Variants in ZNF41 observed in about 807,000 individuals in gnomAD.
ZNF41 encodes zinc finger protein 41.
In ZNF41, 6 loss-of-function variants were observed where a neutral mutation model predicts 9.3. The observed-to-expected ratio is 0.65, with a 90% CI of 0.35 to 1.28. The LOEUF (loss-of-function observed/expected upper bound fraction) is 1.28, where lower values mean the gene tolerates loss of function less well. ZNF41 is among the 50% of genes most tolerant of loss of function. The probability of loss-of-function intolerance (pLI) is 0.03; values close to 1 mark genes in which losing one functional copy is unlikely to be tolerated. For synonymous variants in ZNF41, 192 were observed against 207.1 expected (o/e 0.93, Z 0.63); for missense variants, 523 against 585.8 (o/e 0.89, Z 1.11).
At position 47,467,449 on chromosome X, in the gene ZNF41, G is replaced by A; in HGVS notation, c.33C>T (p.Ser11=). 1.7e-6 allele frequency: 2 copies of A among 1,189,039 alleles called. No individual in the cohort carries two copies. Among genetic ancestry groups the A allele is most frequent in the Middle Eastern group, 2.3e-4 (1 of 4,296 alleles). The change falls in exon 2 of 5, where the codon TCC becomes TCT. Residue 11 remains serine, a synonymous_variant. Transcript: ENST00000684689. MAANGDSPPW[S]PALAAEGRGS... ...CACGTCCCTCTGCAGCCAGGGCCGGGGACCATGGGGGAGAGTCCCCATTAG... is the reference window on the plus strand; with the variant it reads ...CACGTCCCTCTGCAGCCAGGGCCGGAGACCATGGGGGAGAGTCCCCATTAG...
chrX:47,462,785 C>T (rs1032155873), intron 2 of ZNF41, among the ~76,000 whole-genome samples: 52 of 108,978 alleles, frequency 4.8e-4, no homozygotes, highest in African/African-American at 1.7e-3. Context: ...TGAGACAGGG[C>T]GTCACTCTGC....
At chrX:47,468,175 A>C (rs1480356499) in intron 1 of ZNF41, among the ~76,000 whole-genome samples, 1 of 111,437 alleles carries the variant, frequency 9.0e-6, no homozygotes, top group East Asian at 2.8e-4. Context: ...AATTTGCCCC[A>C]GGATCACTCA....
At position 47,448,953 on chromosome X, in the gene ZNF41, A is replaced by C. The variant is rs1253831939; in HGVS notation, c.817T>G (p.Cys273Gly). The C allele has an allele frequency of 8.3e-7, 1 of 1,209,639 alleles. No homozygotes were observed. Among genetic ancestry groups the C allele is most frequent in the Non-Finnish European group, 1.1e-6 (1 of 895,170 alleles). Residue 273 changes from cysteine (C) to glycine (G), a missense_variant, in exon 5 of 5, where the codon TGT becomes GGT. Physicochemically the swap from Cys to Gly is radical, Grantham distance 159. Transcript: ENST00000684689. ...GTGAAGCCCATTACACATTCAGTACACACATAAAGCTTCTCCTCAGGATGA... is the reference window on the plus strand; with the variant it reads ...GTGAAGCCCATTACACATTCAGTACCCACATAAAGCTTCTCCTCAGGATGA... The part of the protein sequence containing the change: ...KIHPEEKLYV[C>G]TECVMGFTQK...
chrX:47,462,130 T>C (rs1343808145), intron 2 of ZNF41, among the ~76,000 whole-genome samples: 1 of 111,235 alleles, frequency 9.0e-6, no homozygotes, highest in Non-Finnish European at 1.9e-5. Flanking sequence ...GCCTCCTGAA[T>C]AGCTGAGACT....
chrX:47,474,845 T>C (rs1158225413), intron 1 of ZNF41, among the ~76,000 whole-genome samples: 2 of 101,358 alleles, frequency 2.0e-5, no homozygotes, highest in African/African-American at 7.4e-5. Flanking sequence ...CCTACTGTAC[T>C]TCAGCCTGAG....
At position 47,445,714 on chromosome X, in the gene ZNF41, C is replaced by T. The variant is rs1169641623; in HGVS notation, c.*1716G>A. ...AATTCCTAATAGCCCAAGCTGCAAA[C>T]AACCCAAATGTCTACAAACAGTAGA... On this transcript the variant is annotated 3_prime_UTR_variant, in exon 5 of 5. Coordinates refer to ENST00000684689, the MANE Select transcript of ZNF41 (RefSeq NM_001324144.2). Among the ~76,000 whole-genome samples the T allele has an allele frequency of 8.9e-6, 1 of 112,068 alleles. No homozygotes were observed. Among genetic ancestry groups the T allele is most frequent in the Non-Finnish European group, 1.9e-5 (1 of 53,221 alleles).
intron 1 of ZNF41, among the ~76,000 whole-genome samples, chrX:47,480,339 G>A (rs1173845154): frequency 9.0e-6 from 1 of 111,195 alleles, no homozygotes; most frequent in Non-Finnish European, 1.9e-5. Flanking sequence ...TTCATTTAAC[G>A]ACTGGTGCTG....
rs2056103654 is a variant in ZNF41 at position 47,446,065 on chromosome X, G to C, written c.*1365C>G. ...CTTGATCTGAGTATGTTCAGTTTTT[G>C]AGAATGCACTGAGCTGTATGTTTAT... On this transcript the variant is annotated 3_prime_UTR_variant, in exon 5 of 5. Coordinates refer to ENST00000684689, the MANE Select transcript of ZNF41 (RefSeq NM_001324144.2). 1 of 111,323 alleles carries C rather than the reference G, an allele frequency of 9.0e-6. No homozygotes were observed. The highest frequency in any genetic ancestry group is 1.9e-5 in the Non-Finnish European group (1 of 53,074). The allele number at this position is 111,323 out of a possible 1,213,427, so 9.2% of individuals were successfully genotyped here.
At chrX:47,464,271 A>C (rs1429525290) in intron 2 of ZNF41, among the ~76,000 whole-genome samples, 2 of 110,761 alleles carry the variant, frequency 1.8e-5, no homozygotes, top group Non-Finnish European at 3.8e-5. Flanking sequence ...TGTTTGCTTC[A>C]TTATTCTTCC....
At chrX:47,467,249 G>T in intron 2 of ZNF41, 161 bp downstream of exon 2, 1 of 1,106,109 alleles carries the variant, frequency 9.0e-7, no homozygotes, top group Non-Finnish European at 1.2e-6. Context: ...GCCAAGTGGT[G>T]CTCACTCTCA....
At chrX:47,467,254 C>T (rs2057021972) in intron 2 of ZNF41, 156 bp downstream of exon 2, 1 of 1,126,181 alleles carries the variant, frequency 8.9e-7, no homozygotes, top group Non-Finnish European at 1.2e-6. Flanking sequence ...GTGGTGCTCA[C>T]TCTCAGCAAG....
intron 1 of ZNF41, among the ~76,000 whole-genome samples, chrX:47,479,633 A>G (rs1293176154): frequency 9.0e-6 from 1 of 110,769 alleles, no homozygotes; most frequent in East Asian, 2.8e-4. Flanking sequence ...GATTTTCCCT[A>G]TGGAAATAGA....
At position 47,459,281 on chromosome X, in the gene ZNF41, C is replaced by T. The variant is rs189621817; in HGVS notation, c.73-2883G>A. 5.8e-3 allele frequency among the ~76,000 whole-genome samples: 635 copies of T among 109,644 alleles called. 2 individuals are homozygous for T. The highest frequency in any genetic ancestry group is 0.02 in the African/African-American group (601 of 30,166). On this transcript the variant is annotated intron_variant, in intron 2 of 4. Transcript: ENST00000684689. ...AGGAGGATCACTAGAACCTGGAAGGCGGAGGTTGCAGTGAGCCAAGACCGG... is the reference window on the plus strand; with the variant it reads ...AGGAGGATCACTAGAACCTGGAAGGTGGAGGTTGCAGTGAGCCAAGACCGG...
chrX:47,466,896 C>G (rs762752360), intron 2 of ZNF41, among the ~76,000 whole-genome samples: 1 of 111,629 alleles, frequency 9.0e-6, no homozygotes, highest in African/African-American at 3.2e-5. Flanking sequence ...CTGCCAGTCT[C>G]TAAGTTCCAA....
chrX:47,448,541 T>G lies in ZNF41; in HGVS notation c.1229A>C (p.His410Pro), dbSNP rs868329425. ...CTTCCCACATTCATTGCATTCATAG[T>G]GTTTCTCTCCGGTATGAGTTTTCTG... Reference protein sequence around the residue: ...IHQKTHTGEKHYECNECGKAF... With the variant: ...IHQKTHTGEKPYECNECGKAF... Residue 410 changes from histidine to proline, a missense_variant, in exon 5 of 5, where the codon CAC (histidine) becomes CCC (proline). Coordinates refer to ENST00000684689, the MANE Select transcript of ZNF41 (RefSeq NM_001324144.2). The G allele has an allele frequency of 1.7e-6, 2 of 1,209,760 alleles. No individual in the cohort carries two copies. Among genetic ancestry groups the G allele is most frequent in the Non-Finnish European group, 2.2e-6 (2 of 895,228 alleles).
At chrX:47,477,384 T>A (rs2147837767) in intron 1 of ZNF41, among the ~76,000 whole-genome samples, 1 of 111,877 alleles carries the variant, frequency 8.9e-6, no homozygotes, top group South Asian at 3.7e-4. Context: ...CCTCAGGTGA[T>A]CCACCCACCT....
At chrX:47,462,399 A>G (rs1206763845) in intron 2 of ZNF41, among the ~76,000 whole-genome samples, 1 of 108,694 alleles carries the variant, frequency 9.2e-6, no homozygotes, top group Non-Finnish European at 1.9e-5. Flanking sequence ...TCTGTTTCCT[A>G]TTCCCTCTAA....
At chrX:47,482,136 C>T (rs1173616541) in intron 1 of ZNF41, among the ~76,000 whole-genome samples, 2 of 109,190 alleles carry the variant, frequency 1.8e-5, no homozygotes, top group East Asian at 5.8e-4. Flanking sequence ...TCACATATAC[C>T]TTATCACTCA....
chrX:47,473,453 A>C (rs766036574), intron 1 of ZNF41, among the ~76,000 whole-genome samples: 8 of 112,157 alleles, frequency 7.1e-5, no homozygotes, highest in Non-Finnish European at 1.1e-4. Flanking sequence ...AATATCTTTT[A>C]ATAATAAAAG....
Sources: gnomAD v4.1 joint callset for allele counts (sites outside exome capture counted in the v4.1 genomes callset) on GRCh38, gnomAD v4.1.1 for gene constraint, MANE v1.5 for transcripts, NCBI Gene and HGNC (gene_info 2026-07-23, HGNC 2026-07-21) for gene names.